The following VEPH1 variants were observed in gnomAD, a reference collection of about 807,000 sequenced individuals.
VEPH1 encodes the protein ventricular zone expressed PH domain containing 1.
A neutral mutation model predicts 85.2 loss-of-function variants in VEPH1; 80 were observed. The observed-to-expected ratio is 0.94, with a 90% confidence interval of 0.78 to 1.13. VEPH1 has a LOEUF of 1.13. VEPH1 is among the 50% of genes most tolerant of loss of function. The probability of loss-of-function intolerance (pLI) is 0.00; values close to 1 mark genes in which losing one functional copy is unlikely to be tolerated. For missense variants in VEPH1, 955 were observed against 980.5 expected (o/e 0.97, Z 0.35); for synonymous variants, 297 against 348.0 (o/e 0.85, Z 1.63).
intron 7 of VEPH1, among the ~76,000 whole-genome samples, chr3:157,368,783 G>A (rs897410095): frequency 1.3e-5 from 2 of 152,058 alleles, no homozygotes; most frequent in African/African-American, 4.8e-5. Flanking sequence ...GAGCCACCGA[G>A]CCTGGCTAAC....
At chr3:157,267,769 A>G (rs557068764) in intron 12 of VEPH1, among the ~76,000 whole-genome samples, 1 of 152,340 alleles carries the variant, frequency 6.6e-6, no homozygotes, top group South Asian at 2.1e-4. Context: ...CTCCGTCTCA[A>G]AAACCAAACA....
chr3:157,359,030 A>G (rs1409709610), intron 9 of VEPH1, among the ~76,000 whole-genome samples: 1 of 152,100 alleles, frequency 6.6e-6, no homozygotes, highest in Admixed American at 6.5e-5. Context: ...AGAAAAATCA[A>G]CTTGTGTGGG....
At chr3:157,406,015 C>A (rs1731114039) in intron 6 of VEPH1, among the ~76,000 whole-genome samples, 1 of 152,094 alleles carries the variant, frequency 6.6e-6, no homozygotes, top group African/African-American at 2.4e-5. Flanking sequence ...TCAAAGTTTG[C>A]CTTTGTTTTC....
intron 7 of VEPH1, among the ~76,000 whole-genome samples, chr3:157,378,885 G>A (rs1728453923): frequency 6.6e-6 from 1 of 152,098 alleles, no homozygotes; most frequent in African/African-American, 2.4e-5. Context: ...TCCAATAGGT[G>A]ATCACTTCCT....
At chr3:157,317,733 T>C (rs1720894279) in intron 9 of VEPH1, among the ~76,000 whole-genome samples, 1 of 152,180 alleles carries the variant, frequency 6.6e-6, no homozygotes. Flanking sequence ...GCTGGGAGTC[T>C]TAATGAGATT....
intron 9 of VEPH1, among the ~76,000 whole-genome samples, chr3:157,318,580 C>T (rs769304490): frequency 1.3e-5 from 2 of 150,110 alleles, no homozygotes; most frequent in Non-Finnish European, 3.0e-5. Context: ...GCACTCTAGC[C>T]TGGGCAACAG....
intron 10 of VEPH1, chr3:157,315,931 G>T (rs912227165): frequency 6.6e-6 from 1 of 151,870 alleles, no homozygotes; most frequent in Admixed American, 6.6e-5. Flanking sequence ...TCAAGAAAAC[G>T]AAAGACAGTC....
Position 157,363,427 on chromosome 3 carries a change from C to G in VEPH1, c.1672G>C (p.Val558Leu). Residue 558 changes from valine to leucine, a missense_variant, in exon 9 of 14, where the codon GTG becomes CTG. Transcript: ENST00000362010. The stretch of plus-strand genomic sequence containing the variant: ...CCAATTTCCATGGCATATGCTTTCA[C>G]TTTGCTGAGGTTTTTTTTTAAGTGC... ...YLHLKKNLSKVKAYAMEIGKK... is the reference protein window; with the variant it reads ...YLHLKKNLSKLKAYAMEIGKK... 1 of 1,613,080 alleles carries G rather than the reference C, an allele frequency of 6.2e-7. No homozygotes were observed. The highest frequency in any genetic ancestry group is 8.5e-7 in the Non-Finnish European group (1 of 1,179,796).
At chr3:157,368,288 A>G (rs1726957893) in intron 7 of VEPH1, among the ~76,000 whole-genome samples, 1 of 152,140 alleles carries the variant, frequency 6.6e-6, no homozygotes, top group Non-Finnish European at 1.5e-5. Flanking sequence ...TGCAGCCTGG[A>G]TGCATCAGAG....
At chr3:157,412,871 C>T (rs967918006) in intron 6 of VEPH1, among the ~76,000 whole-genome samples, 2 of 152,112 alleles carry the variant, frequency 1.3e-5, no homozygotes, top group African/African-American at 4.8e-5. Context: ...TATAATCAAA[C>T]AGCACCAAAG....
rs771247955 is a variant in VEPH1 at position 157,381,183 on chromosome 3, A to T, written c.1100T>A (p.Leu367Gln). ...TAIAKLLTRQ[L>Q]ENTKAGSGRR... Reference sequence around the variant, plus strand: ...GCCACTTCCAGCCTTGGTATTTTCCAGTTGTCGGGTAAGGAGTTTAGCAAT... The same window carrying T: ...GCCACTTCCAGCCTTGGTATTTTCCTGTTGTCGGGTAAGGAGTTTAGCAAT... The change falls in exon 7 of 14, where the codon CTG becomes CAG. Residue 367 changes from leucine (L) to glutamine (Q), a missense_variant. Transcript: ENST00000362010. 4 of 1,613,780 alleles carry T rather than the reference A, an allele frequency of 2.5e-6. No individual in the cohort carries two copies.
At chr3:157,451,837 T>C (rs1041542494) in intron 4 of VEPH1, among the ~76,000 whole-genome samples, 5 of 152,164 alleles carry the variant, frequency 3.3e-5, no homozygotes, top group Admixed American at 1.3e-4. Flanking sequence ...ACAAGAACCT[T>C]GGAAGAGCTG....
Position 157,316,066 on chromosome 3 carries a change from T to G in VEPH1, c.1875+996A>C, listed in dbSNP as rs533396162. 22 of 152,226 alleles carry G rather than the reference T, an allele frequency of 1.4e-4. No homozygotes were observed. In the East Asian group the frequency reaches 4.2e-3, roughly 29 times the overall value. 9.4% of individuals were successfully genotyped at this position (152,226 alleles called of 1,614,324 possible). A position where few individuals can be genotyped will look rare whatever the true frequency, so the allele number is the denominator to read the frequency against. ...AAAAAAACAGTATTCCTAAGGCATGTCCAATCTGTCTCTTTTCTTAATTGC... is the reference window on the plus strand; with the variant it reads ...AAAAAAACAGTATTCCTAAGGCATGGCCAATCTGTCTCTTTTCTTAATTGC... On this transcript the variant is annotated intron_variant, in intron 10 of 13. Transcript: ENST00000362010.
At chr3:157,443,308 T>G (rs1017329428) in intron 4 of VEPH1, 2 of 217,498 alleles carry the variant, frequency 9.2e-6, no homozygotes, top group African/African-American at 4.6e-5. Context: ...CTTTGGTTAA[T>G]TTTGTTTTGG....
intron 11 of VEPH1, among the ~76,000 whole-genome samples, chr3:157,308,897 A>C (rs1719805063): frequency 6.6e-6 from 1 of 152,156 alleles, no homozygotes; most frequent in East Asian, 1.9e-4. Context: ...ATTGGGATTA[A>C]GTGAACTAAT....
At chr3:157,459,065 C>T (rs1735610887) in intron 4 of VEPH1, among the ~76,000 whole-genome samples, 1 of 152,224 alleles carries the variant, frequency 6.6e-6, no homozygotes, top group Non-Finnish European at 1.5e-5. Flanking sequence ...AGGAGAAAGG[C>T]TAGTGTTCTT....
intron 4 of VEPH1, among the ~76,000 whole-genome samples, chr3:157,431,054 G>C (rs995240225): frequency 2.0e-5 from 3 of 152,168 alleles, no homozygotes; most frequent in Admixed American, 2.0e-4. Flanking sequence ...CGTGTCAAGG[G>C]AGGGACCTGG....
Position 157,469,110 on chromosome 3 carries a change from G to C in VEPH1, c.354+1204C>G, listed in dbSNP as rs569990598. On this transcript the variant is annotated intron_variant, in intron 3 of 13. Transcript: ENST00000362010. Reference sequence around the variant, plus strand: ...ATAATATACCAAGATAACCAATGAAGAGCAAATGCACTGGGTCTTTGGTGT... The same window carrying C: ...ATAATATACCAAGATAACCAATGAACAGCAAATGCACTGGGTCTTTGGTGT... Among the ~76,000 whole-genome samples, 44 of 152,226 alleles carry C rather than the reference G, an allele frequency of 2.9e-4. No homozygotes were observed. In the South Asian group the frequency reaches 8.1e-3, roughly 28 times the overall value.
chr3:157,323,069 A>C (rs767380055), intron 9 of VEPH1, among the ~76,000 whole-genome samples: 1 of 152,216 alleles, frequency 6.6e-6, no homozygotes, highest in Non-Finnish European at 1.5e-5. Flanking sequence ...GCCAGTGTGG[A>C]CCACTTGTAA....
Sources: gnomAD v4.1 joint callset for allele counts (sites outside exome capture counted in the v4.1 genomes callset) on GRCh38, gnomAD v4.1.1 for gene constraint, MANE v1.5 for transcripts, NCBI Gene and HGNC (gene_info 2026-07-23, HGNC 2026-07-21) for gene names.